The following ZFYVE26 variants were observed in gnomAD, a reference collection of about 807,000 sequenced individuals.
The protein encoded by ZFYVE26 is zinc finger FYVE domain-containing protein 26.
ZFYVE26 carries 181 observed loss-of-function variants against 276.5 expected under a neutral mutation model. The ratio of observed to expected loss-of-function variants is 0.65; its 90% CI spans 0.58 to 0.74. ZFYVE26 has a LOEUF of 0.74. Ranked by LOEUF, ZFYVE26 falls within the 30% of genes least tolerant of loss-of-function variation. The probability of loss-of-function intolerance (pLI) is 0.00; values close to 1 mark genes in which losing one functional copy is unlikely to be tolerated. For missense variants in ZFYVE26, 2,821 were observed against 3,097.9 expected (o/e 0.91, Z 2.12); for synonymous variants, 1,129 against 1,203.1 (o/e 0.94, Z 1.27).
At chr14:67,738,458 A>T (rs2038377193) in intron 13 of ZFYVE26, among the ~76,000 whole-genome samples, 1 of 149,770 alleles carries the variant, frequency 6.7e-6, no homozygotes, top group African/African-American at 2.4e-5. Flanking sequence ...TTATATGATG[A>T]AATAATTATT....
chr14:67,758,968 G>A (rs1372719988), intron 35 of ZFYVE26, among the ~76,000 whole-genome samples: 1 of 152,124 alleles, frequency 6.6e-6, no homozygotes, highest in African/African-American at 2.4e-5. Context: ...GGCTGGGCAC[G>A]GTGGCTCACG....
chr14:67,814,625 TTAAAA>T lies in ZFYVE26; in HGVS notation c.195-566_195-562del, dbSNP rs1379261608. 7.2e-5 allele frequency among the ~76,000 whole-genome samples: 11 copies of T among 152,306 alleles called. No homozygotes were observed. In the South Asian group the frequency reaches 2.3e-3, roughly 32 times the overall value. The stretch of plus-strand genomic sequence containing the variant: ...CTCACCTCCACCTCCTTATCTTAGT[TTAAAA>T]TAAAATAATATTCGAGAAAACCATA... On this transcript the variant is annotated intron_variant, in intron 2 of 41. Transcript: ENST00000347230.
chr14:67,801,234 G>C (rs1419423067), intron 10 of ZFYVE26, among the ~76,000 whole-genome samples: 1 of 151,156 alleles, frequency 6.6e-6, no homozygotes, highest in Non-Finnish European at 1.5e-5. Flanking sequence ...CTGGGCAACA[G>C]AGCAAGACTC....
At chr14:67,764,797 A>T (rs2039016960) in intron 32 of ZFYVE26, among the ~76,000 whole-genome samples, 1 of 152,152 alleles carries the variant, frequency 6.6e-6, no homozygotes, top group Non-Finnish European at 1.5e-5. Context: ...GGTGGGTGAG[A>T]ATCCTATTAA....
At chr14:67,754,252 G>C in intron 37 of ZFYVE26, 40 bp from the exon 38 acceptor site, 1 of 1,613,706 alleles carries the variant, frequency 6.2e-7, no homozygotes, top group East Asian at 2.2e-5. Context: ...CTCATGAGGG[G>C]CCCCAGGTGA....
At chr14:67,731,763 G>C (rs1377472136) in intron 13 of ZFYVE26, among the ~76,000 whole-genome samples, 1 of 152,080 alleles carries the variant, frequency 6.6e-6, no homozygotes, top group Non-Finnish European at 1.5e-5. Flanking sequence ...TACTTCCAGG[G>C]AGTTTTAGGG....
Position 67,798,573 on chromosome 14 carries a change from C to A in ZFYVE26, c.1689G>T (p.Leu563=). 6.2e-7 allele frequency: 1 copy of A among 1,614,084 alleles called. No homozygotes were observed. The highest frequency in any genetic ancestry group is 2.2e-5 in the East Asian group (1 of 44,876). The change falls in exon 11 of 42, where the codon CTG becomes CTT. Residue 563 remains leucine, a synonymous_variant. Coordinates refer to ENST00000347230, the MANE Select transcript of ZFYVE26 (RefSeq NM_015346.4). ...GGCACAGAGAGTCAGGAATACTGCACAGATACTGTTGACACCTGGCCAGGT... is the reference window on the plus strand; with the variant it reads ...GGCACAGAGAGTCAGGAATACTGCAAAGATACTGTTGACACCTGGCCAGGT... The part of the protein sequence containing the change: ...STYLARCQQY[L]CSIPDSLCLE...
Position 67,784,493 on chromosome 14 carries a change from C to T in ZFYVE26, c.3524-57G>A. 3.3e-6 allele frequency: 5 copies of T among 1,495,352 alleles called. No individual in the cohort carries two copies. The South Asian group carries it at 5.6e-5, about 17-fold the overall frequency. The allele number at this position is 1,495,352 out of a possible 1,614,324, so 92.6% of individuals were successfully genotyped here. A position where few individuals can be genotyped will look rare whatever the true frequency, so the allele number is the denominator to read the frequency against. On this transcript the variant is annotated intron_variant, in intron 19 of 41. Transcript: ENST00000347230. ...CACCACTGACTGCAAGAGTTCAGAG[C>T]CCTGTTTCCCAGAATTGAGAAAAAA...
chr14:67,801,593 A>G (rs1473928042), intron 10 of ZFYVE26, among the ~76,000 whole-genome samples: 3 of 152,222 alleles, frequency 2.0e-5, no homozygotes, highest in African/African-American at 7.2e-5. Context: ...GGATAGGACC[A>G]TTAGGTTGGT....
chr14:67,762,055 A>G (rs1468458100), intron 34 of ZFYVE26, 148 bp downstream of exon 34: 1 of 758,366 alleles, frequency 1.3e-6, no homozygotes, highest in Non-Finnish European at 2.2e-6. Context: ...ATCTAACTAT[A>G]TGTGATGGAA....
chr14:67,754,178 T>G lies in ZFYVE26; in HGVS notation c.7021A>C (p.Thr2341Pro). 6 of 1,614,256 alleles carry G rather than the reference T, an allele frequency of 3.7e-6. No individual in the cohort carries two copies. The highest frequency in any genetic ancestry group is 4.2e-6 in the Non-Finnish European group (5 of 1,180,046). The change falls in exon 38 of 42, where the codon ACC becomes CCC. Residue 2341 changes from threonine (T) to proline (P), a missense_variant. Transcript: ENST00000347230. ...MNTLQLQMEV[T>P]RFLHRCESAG... ...CTTTCGCACCGATGCAAGAACCTGG[T>G]CACTTCCATCTGCAGCTGAAGTGTG...
At chr14:67,807,315 GA>G (rs2040201514) in intron 5 of ZFYVE26, 82 bp downstream of exon 5, 34 of 1,587,578 alleles carry the variant, frequency 2.1e-5, no homozygotes, top group Non-Finnish European at 2.8e-5. Context: ...GAGCCACACG[GA>G]AGGCAGCAGT....
rs538137481 is a variant in ZFYVE26, at chr14:67,768,390, G to T, written c.5653+127C>A. The T allele has an allele frequency of 1.5e-4, 161 of 1,055,648 alleles. No individual in the cohort carries two copies. In the African/African-American group the frequency reaches 2.3e-3, roughly 15 times the overall value. The allele number at this position is 1,055,648 out of a possible 1,614,324, so 65.4% of individuals were successfully genotyped here. A position where few individuals can be genotyped will look rare whatever the true frequency, so the allele number is the denominator to read the frequency against. Reference sequence around the variant, plus strand: ...AGGCTGATACAAATGCCAAGAATTTGCTTTGGCAAACAAGTTGGATGGAGT... The same window carrying T: ...AGGCTGATACAAATGCCAAGAATTTTCTTTGGCAAACAAGTTGGATGGAGT... On this transcript the variant is annotated intron_variant, in intron 30 of 41. Transcript: ENST00000347230.
At chr14:67,799,506 G>A in intron 10 of ZFYVE26, 2 of 1,600,848 alleles carry the variant, frequency 1.2e-6, no homozygotes, top group Non-Finnish European at 1.7e-6. Context: ...CAAAAGGATC[G>A]GCAAAAGGAA....
chr14:67,797,901 C>T (rs772272259), intron 11 of ZFYVE26, 113 bp downstream of exon 11: 123 of 1,593,046 alleles, frequency 7.7e-5, no homozygotes, highest in Admixed American at 4.0e-4. Context: ...GCCATGGTGA[C>T]GATATGCCCT....
intron 10 of ZFYVE26, among the ~76,000 whole-genome samples, chr14:67,799,896 T>C (rs966978168): frequency 2.0e-5 from 3 of 152,186 alleles, no homozygotes; most frequent in Non-Finnish European, 2.9e-5. Context: ...CCATGGATCT[T>C]CTGTACACAG....
chr14:67,789,749 T>C, intron 15 of ZFYVE26, 151 bp from the exon 16 acceptor site: 1 of 1,046,310 alleles, frequency 9.6e-7, no homozygotes, highest in East Asian at 2.6e-5. Context: ...TGGCCCACTC[T>C]TATAGCTTCA....
intron 19 of ZFYVE26, 129 bp downstream of exon 19, chr14:67,784,930 C>A: frequency 1.0e-6 from 1 of 986,908 alleles, no homozygotes; most frequent in Non-Finnish European, 1.6e-6. Context: ...TAAGAGAGGA[C>A]AACCTTATAA....
At chr14:67,773,109 GAAT>G (rs1248026531) in intron 27 of ZFYVE26, among the ~76,000 whole-genome samples, 1 of 152,116 alleles carries the variant, frequency 6.6e-6, no homozygotes, top group Non-Finnish European at 1.5e-5. Context: ...TGATATTTGA[GAAT>G]AATAAGGAAT....
Sources: gnomAD v4.1 joint callset for allele counts (sites outside exome capture counted in the v4.1 genomes callset) on GRCh38, gnomAD v4.1.1 for gene constraint, MANE v1.5 for transcripts, NCBI Gene and HGNC (gene_info 2026-07-23, HGNC 2026-07-21) for gene names.